DPP6: variants seen among roughly 807,000 people sequenced by gnomAD.
DPP6 encodes the protein dipeptidyl peptidase like 6, also known as A-type potassium channel modulatory protein DPP6.
DPP6 carries 69 observed loss-of-function variants against 122.6 expected under a neutral mutation model. The ratio of observed to expected loss-of-function variants is 0.56; its 90% CI spans 0.46 to 0.69. The LOEUF (loss-of-function observed/expected upper bound fraction) is 0.69, where lower values mean the gene tolerates loss of function less well. Among genes scored for constraint, DPP6 ranks in the 30% least tolerant of loss-of-function variants. DPP6 has a pLI of 0.00. For synonymous variants in DPP6, 418 were observed against 433.1 expected, an observed-to-expected ratio of 0.97 and a Z score of 0.43; for missense variants, 928 against 1,116.9, an observed-to-expected ratio of 0.83 and a Z score of 2.41.
chr7:154,009,638 A>G (rs1342256858), intron 1 of DPP6, among the ~76,000 whole-genome samples: 1 of 151,758 alleles, frequency 6.6e-6, no homozygotes, highest in Non-Finnish European at 1.5e-5. Flanking sequence ...ATTAGATACC[A>G]GCTCATTAAT....
At chr7:154,328,331 G>A (rs890970930) in intron 1 of DPP6, among the ~76,000 whole-genome samples, 9 of 152,144 alleles carry the variant, frequency 5.9e-5, no homozygotes, top group African/African-American at 2.2e-4. Context: ...CTGAAATCTG[G>A]AATCGACATG....
At position 154,887,442 on chromosome 7, in the gene DPP6, C is replaced by T. The variant is rs186588646; in HGVS notation, c.2246-234C>T. ...TCTGCGATGCTGATGAAAATTGCAACACCGGCACTCACACACATTAAGGTT... is the reference window on the plus strand; with the variant it reads ...TCTGCGATGCTGATGAAAATTGCAATACCGGCACTCACACACATTAAGGTT... On this transcript the variant is annotated intron_variant, in intron 22 of 25. Transcript: ENST00000377770. 3.3e-3 allele frequency among the ~76,000 whole-genome samples: 503 copies of T among 152,328 alleles called. 6 individuals are homozygous for T. Among genetic ancestry groups the T allele is most frequent in the South Asian group, 0.011 (54 of 4,826 alleles).
At chr7:154,007,865 C>G (rs71265439) in intron 1 of DPP6, among the ~76,000 whole-genome samples, 7,765 of 148,112 alleles carry the variant, frequency 0.052, 401 homozygotes, top group African/African-American at 0.16. Context: ...TGTGGGCAGA[C>G]GAGAGAGTGT....
At chr7:154,567,976 C>A (rs996345028) in intron 5 of DPP6, among the ~76,000 whole-genome samples, 1 of 152,282 alleles carries the variant, frequency 6.6e-6, no homozygotes, top group South Asian at 2.1e-4. Context: ...TTTTTGGACT[C>A]TGTTTCAGTC....
At chr7:154,387,659 C>G (rs764932951) in intron 1 of DPP6, among the ~76,000 whole-genome samples, 2 of 152,164 alleles carry the variant, frequency 1.3e-5, no homozygotes, top group African/African-American at 2.4e-5. Flanking sequence ...TTATCATGTA[C>G]TGTTTTCATC....
chr7:153,755,668 A>G, the DPP6 span, among the ~76,000 whole-genome samples: 1 of 151,938 alleles, frequency 6.6e-6, no homozygotes, highest in Non-Finnish European at 1.5e-5. Context: ...TCCTCAGTCT[A>G]TCCTGCTTAG....
intron 1 of DPP6, chr7:154,058,280 C>G (rs1055331339): frequency 1.3e-5 from 2 of 149,208 alleles, no homozygotes; most frequent in Non-Finnish European, 3.0e-5. Flanking sequence ...GAGAGCGAGC[C>G]CCTCTTCCCC....
intron 1 of DPP6, among the ~76,000 whole-genome samples, chr7:154,019,799 C>T (rs2533825): frequency 6.6e-6 from 1 of 152,126 alleles, no homozygotes. Flanking sequence ...ATGCCCCAAC[C>T]TTTGTAAAAT....
At chr7:154,060,353 A>AGTG (rs1801583521) in intron 1 of DPP6, among the ~76,000 whole-genome samples, 15 of 53,234 alleles carry the variant, frequency 2.8e-4, no homozygotes, top group African/African-American at 3.8e-4. Flanking sequence ...CCCGCGAGGC[A>AGTG]GGGACTGAGA....
At chr7:154,859,573 C>T (rs1280493725) in intron 17 of DPP6, among the ~76,000 whole-genome samples, 1 of 152,204 alleles carries the variant, frequency 6.6e-6, no homozygotes, top group African/African-American at 2.4e-5. Context: ...CCAAAACCAC[C>T]CTGGGAATAT....
chr7:153,904,250 C>T (rs1221678179), intron 1 of DPP6, among the ~76,000 whole-genome samples: 1 of 152,090 alleles, frequency 6.6e-6, no homozygotes, highest in Non-Finnish European at 1.5e-5. Flanking sequence ...CGGGGTTTCA[C>T]TGTGTTGGCC....
At chr7:154,756,088 C>T (rs181692377) in intron 8 of DPP6, among the ~76,000 whole-genome samples, 10 of 152,342 alleles carry the variant, frequency 6.6e-5, no homozygotes, top group East Asian at 5.8e-4. Context: ...GCTCCAACCC[C>T]CTAGGGAAGA....
At chr7:154,853,070 C>T (rs1359814896) in intron 16 of DPP6, among the ~76,000 whole-genome samples, 2 of 152,160 alleles carry the variant, frequency 1.3e-5, no homozygotes, top group African/African-American at 4.8e-5. Flanking sequence ...AGGCCTGCCT[C>T]TTAATGTTTT....
intron 1 of DPP6, among the ~76,000 whole-genome samples, chr7:154,336,103 C>T (rs1809394175): frequency 6.6e-6 from 1 of 152,056 alleles, no homozygotes; most frequent in Admixed American, 6.5e-5. Context: ...CACAGGGCGT[C>T]AGTCACTTTC....
intron 10 of DPP6, among the ~76,000 whole-genome samples, chr7:154,782,853 G>A (rs886743242): frequency 2.6e-4 from 40 of 151,952 alleles, no homozygotes; most frequent in African/African-American, 8.2e-4. Flanking sequence ...GCATGATCTC[G>A]GCTCACTGCA....
At chr7:154,636,722 G>A (rs1586782090) in intron 5 of DPP6, among the ~76,000 whole-genome samples, 1 of 152,316 alleles carries the variant, frequency 6.6e-6, no homozygotes, top group Middle Eastern at 3.4e-3. Context: ...AGTTAATTCA[G>A]TGGTGCAGGC....
At chr7:153,924,182 C>T (rs1219345430) in intron 1 of DPP6, among the ~76,000 whole-genome samples, 1 of 151,828 alleles carries the variant, frequency 6.6e-6, no homozygotes, top group Non-Finnish European at 1.5e-5. Context: ...ATGGCGCGAT[C>T]CCTGTGATCT....
intron 16 of DPP6, among the ~76,000 whole-genome samples, chr7:154,825,421 G>T (rs939972929): frequency 6.6e-6 from 1 of 152,194 alleles, no homozygotes; most frequent in South Asian, 2.1e-4. Flanking sequence ...ACTTCAGCAC[G>T]CATAAATTGT....
At chr7:154,566,178 TG>T in intron 4 of DPP6, among the ~76,000 whole-genome samples, 1 of 152,224 alleles carries the variant, frequency 6.6e-6, no homozygotes, top group Non-Finnish European at 1.5e-5. Flanking sequence ...TTATTATATG[TG>T]TCTTAGAATT....
Sources: allele counts gnomAD v4.1 joint callset (sites outside exome capture counted in the v4.1 genomes callset), GRCh38; gene constraint gnomAD v4.1.1; transcripts MANE v1.5; gene names NCBI Gene and HGNC (gene_info 2026-07-23, HGNC 2026-07-21).